The following HMCN1 variants were observed in gnomAD, a reference collection of about 807,000 sequenced individuals.
HMCN1 encodes the protein hemicentin-1.
Under a neutral mutation model 625.9 loss-of-function variants are expected in HMCN1, and 321 were observed. The ratio of observed to expected loss-of-function variants is 0.51; its 90% CI spans 0.47 to 0.56. The LOEUF (loss-of-function observed/expected upper bound fraction) is 0.56, where lower values mean the gene tolerates loss of function less well. Among genes scored for constraint, HMCN1 ranks in the 20% least tolerant of loss-of-function variants. HMCN1 has a pLI of 0.00. For missense variants in HMCN1, 6,588 were observed against 6,887.3 expected (o/e 0.96, Z 1.54); for synonymous variants, 2,425 against 2,417.6 (o/e 1.00, Z -0.09).
chr1:186,158,149 G>A (rs1651158612), intron 97 of HMCN1, among the ~76,000 whole-genome samples: 1 of 146,718 alleles, frequency 6.8e-6, no homozygotes, highest in Non-Finnish European at 1.5e-5. Flanking sequence ...GGTGTGAGAT[G>A]ATATCTCATT....
At chr1:186,037,520 G>C (rs1398962675) in intron 36 of HMCN1, among the ~76,000 whole-genome samples, 1 of 152,122 alleles carries the variant, frequency 6.6e-6, no homozygotes, top group Admixed American at 6.5e-5. Flanking sequence ...GCTTAAGACA[G>C]TGCTGTCCAA....
intron 4 of HMCN1, among the ~76,000 whole-genome samples, chr1:185,878,420 T>A (rs1447824259): frequency 1.3e-5 from 2 of 152,232 alleles, no homozygotes; most frequent in African/African-American, 4.8e-5. Context: ...GTTCCTTTGA[T>A]GCCTAGTTTG....
At position 186,039,789 on chromosome 1, in the gene HMCN1, G is replaced by A. The variant is rs768636591; in HGVS notation, c.6090G>A (p.Arg2030=). 1.2e-6 allele frequency: 2 copies of A among 1,613,536 alleles called. No homozygotes were observed. The highest frequency in any genetic ancestry group is 1.7e-6 in the Non-Finnish European group (2 of 1,179,624). ...MVAVVVNNPV[R]LECEARGIPA... is the part of the protein sequence containing the mutation. The stretch of plus-strand genomic sequence containing the variant: ...CAGTGGTGGTTAATAACCCGGTGAG[G>A]TTAGAATGTGAAGCCAGAGGTATTC... The change falls in exon 39 of 107, where the codon AGG becomes AGA. Residue 2030 remains arginine (R), a synonymous_variant. Transcript: ENST00000271588.
At chr1:185,828,770 T>G (rs1317816507) in intron 1 of HMCN1, among the ~76,000 whole-genome samples, 1 of 152,080 alleles carries the variant, frequency 6.6e-6, no homozygotes, top group African/African-American at 2.4e-5. Flanking sequence ...CTTAAACTCA[T>G]GTCAAACAGG....
At chr1:185,783,820 C>T (rs184710887) in intron 1 of HMCN1, among the ~76,000 whole-genome samples, 9 of 152,276 alleles carry the variant, frequency 5.9e-5, no homozygotes, top group Admixed American at 1.3e-4. Flanking sequence ...GCAGTCTGAC[C>T]GTTCTCAGAT....
At chr1:186,004,890 C>T (rs770775987) in intron 29 of HMCN1, among the ~76,000 whole-genome samples, 16 of 151,966 alleles carry the variant, frequency 1.1e-4, no homozygotes, top group Non-Finnish European at 1.8e-4. Context: ...AGATACTTTA[C>T]GGCATAATCA....
chr1:185,941,077 G>A (rs946885156), intron 11 of HMCN1, among the ~76,000 whole-genome samples: 8 of 152,048 alleles, frequency 5.3e-5, no homozygotes, highest in South Asian at 4.2e-4. Flanking sequence ...GGCTCATCTC[G>A]AGCTCCTGAC....
At chr1:185,937,734 A>G (rs936146498) in intron 11 of HMCN1, among the ~76,000 whole-genome samples, 2 of 151,948 alleles carry the variant, frequency 1.3e-5, no homozygotes, top group African/African-American at 2.4e-5. Context: ...ACCAAAAATT[A>G]GCCAGGCTTG....
Position 186,178,563 on chromosome 1 carries a change from G to A in HMCN1, c.16091G>A (p.Gly5364Asp). Residue 5364 changes from glycine to aspartate, a missense_variant, in exon 104 of 107, where the codon GGC becomes GAC. Coordinates refer to ENST00000271588, the MANE Select transcript of HMCN1 (RefSeq NM_031935.3). Reference sequence around the variant, plus strand: ...GGATTGGAGAGGCTGCCAAATTATGGCACTCAATACAGTAGCTATAACCTT... The same window carrying A: ...GGATTGGAGAGGCTGCCAAATTATGACACTCAATACAGTAGCTATAACCTT... ...CAGLERLPNY[G>D]TQYSSYNLAR... 1 of 1,614,066 alleles carries A rather than the reference G, an allele frequency of 6.2e-7. No homozygotes were observed. Among genetic ancestry groups the A allele is most frequent in the Non-Finnish European group, 8.5e-7 (1 of 1,180,010 alleles).
intron 4 of HMCN1, among the ~76,000 whole-genome samples, chr1:185,875,097 A>G (rs1663848865): frequency 6.6e-6 from 1 of 152,030 alleles, no homozygotes; most frequent in African/African-American, 2.4e-5. Context: ...CAGTTTAAAA[A>G]TATATTCATT....
At chr1:186,019,723 C>T (rs377559451) in intron 35 of HMCN1, 28 bp downstream of exon 35, 2 of 1,584,242 alleles carry the variant, frequency 1.3e-6, no homozygotes, top group African/African-American at 2.7e-5. Flanking sequence ...TCAGCCTAAA[C>T]TGGGAAAGCT....
chr1:186,094,211 A>G, intron 66 of HMCN1, 65 bp from the exon 67 acceptor site: 1 of 1,229,934 alleles, frequency 8.1e-7, no homozygotes, highest in Non-Finnish European at 1.2e-6. Context: ...TATAAATCAT[A>G]ATTATTTTAT....
At chr1:185,842,124 T>C (rs1661512801) in intron 1 of HMCN1, among the ~76,000 whole-genome samples, 1 of 152,152 alleles carries the variant, frequency 6.6e-6, no homozygotes, top group Non-Finnish European at 1.5e-5. Flanking sequence ...CTGCCCTTAC[T>C]ACATAGTACT....
chr1:185,928,217 A>G (rs1667372616), intron 9 of HMCN1, among the ~76,000 whole-genome samples: 2 of 152,142 alleles, frequency 1.3e-5, no homozygotes, highest in Non-Finnish European at 2.9e-5. Context: ...AAAACTGGAA[A>G]AAATAAAAGC....
At chr1:185,950,059 T>C (rs1383281342) in intron 11 of HMCN1, among the ~76,000 whole-genome samples, 1 of 151,700 alleles carries the variant, frequency 6.6e-6, no homozygotes, top group African/African-American at 2.4e-5. Context: ...TCAAGCGTGA[T>C]CAGGGTGAGG....
Position 185,933,790 on chromosome 1 carries a change from A to G in HMCN1, c.1794A>G (p.Gly598=). 6.2e-7 allele frequency: 1 copy of G among 1,613,946 alleles called. No individual in the cohort carries two copies. Among genetic ancestry groups the G allele is most frequent in the Non-Finnish European group, 8.5e-7 (1 of 1,179,832 alleles). Residue 598 remains glycine, a synonymous_variant, in exon 11 of 107, where the codon GGA becomes GGG. Coordinates refer to ENST00000271588, the MANE Select transcript of HMCN1 (RefSeq NM_031935.3). ...ATTGTATGGTTTCTAGTGAAGGTGGATCATCAGCCGCTTCAGTTTTCCTCA... is the reference window on the plus strand; with the variant it reads ...ATTGTATGGTTTCTAGTGAAGGTGGGTCATCAGCCGCTTCAGTTTTCCTCA... ...EYHCMVSSEG[G]SSAASVFLTV... is the part of the protein sequence containing the mutation.
At chr1:186,137,000 T>G in intron 87 of HMCN1, 63 bp downstream of exon 87, 1 of 1,578,248 alleles carries the variant, frequency 6.3e-7, no homozygotes, top group Non-Finnish European at 8.6e-7. Flanking sequence ...ATCATGGAAA[T>G]TATTAAGCAC....
chr1:186,088,873 A>G, intron 63 of HMCN1, 118 bp downstream of exon 63: 1 of 983,140 alleles, frequency 1.0e-6, no homozygotes, highest in Non-Finnish European at 1.5e-6. Context: ...TAGATCATCA[A>G]AAACTATCAT....
rs752173322 is a variant in HMCN1 at position 186,137,698 on chromosome 1, G to GAA, written c.13753+30_13753+31insAA. ...ACCTCCTTATTTAACTGATAGGCATGTGTTTAATAGACCTTCATTTCTGTC... is the reference window on the plus strand; with the variant it reads ...ACCTCCTTATTTAACTGATAGGCATGAATGTTTAATAGACCTTCATTTCTGTC... On this transcript the variant is annotated intron_variant, in intron 88 of 106. Transcript: ENST00000271588. The GAA allele has an allele frequency of 1.9e-6, 3 of 1,613,894 alleles. No individual in the cohort carries two copies. The East Asian group carries it at 6.7e-5, about 36-fold the overall frequency.
Sources: gnomAD v4.1 joint callset for allele counts (sites outside exome capture counted in the v4.1 genomes callset) on GRCh38, gnomAD v4.1.1 for gene constraint, MANE v1.5 for transcripts, NCBI Gene and HGNC (gene_info 2026-07-23, HGNC 2026-07-21) for gene names.